Variants in ZNF33B observed in about 807,000 individuals in gnomAD.
ZNF33B encodes the protein zinc finger protein 11b (KOX 2).
A neutral mutation model predicts 45.8 loss-of-function variants in ZNF33B; 29 were observed. The observed-to-expected ratio is 0.63, with a 90% confidence interval of 0.47 to 0.86. The LOEUF is 0.86. ZNF33B is among the 40% of genes least tolerant of loss of function. The pLI, the probability that ZNF33B is intolerant of heterozygous loss-of-function variation, is 0.00. For synonymous variants in ZNF33B, 305 were observed against 307.8 expected, an observed-to-expected ratio of 0.99 and a Z score of 0.10; for missense variants, 831 against 909.9, an observed-to-expected ratio of 0.91 and a Z score of 1.12.
chr10:42,630,635 C>T (rs1564527370), intron 4 of ZNF33B, among the ~76,000 whole-genome samples: 1 of 152,174 alleles, frequency 6.6e-6, no homozygotes, highest in Non-Finnish European at 1.5e-5. Context: ...CATCCCATTC[C>T]CTCCTGCCTT....
chr10:42,635,503 C>T (rs1839251956), intron 2 of ZNF33B, among the ~76,000 whole-genome samples: 1 of 152,034 alleles, frequency 6.6e-6, no homozygotes, highest in South Asian at 2.1e-4. Context: ...AGGGGTTTTT[C>T]CATCTATCTG....
downstream of ZNF33B, among the ~76,000 whole-genome samples, chr10:42,584,395 TGAGCAGCCCCAGGGTGTGGTGGTCAA>T (rs765394911): frequency 6.6e-6 from 1 of 152,072 alleles, no homozygotes; most frequent in Non-Finnish European, 1.5e-5. Flanking sequence ...ATGGTGGCCA[TGAGCAGCCCCAGGGTGTGGTGGTCAA>T]ATTGCCACCT....
intron 4 of ZNF33B, among the ~76,000 whole-genome samples, chr10:42,614,633 C>T (rs1247420876): frequency 6.6e-6 from 1 of 152,104 alleles, no homozygotes. Flanking sequence ...AAAGGAGATA[C>T]ATAAATAGCC....
At chr10:42,584,773 G>C (rs2132018086), downstream of ZNF33B, among the ~76,000 whole-genome samples, 1 of 152,262 alleles carries the variant, frequency 6.6e-6, no homozygotes, top group African/African-American at 2.4e-5. Context: ...CACCCACCTT[G>C]GCCTCCCAAA....
intron 4 of ZNF33B, among the ~76,000 whole-genome samples, chr10:42,621,510 C>G (rs1838589493): frequency 6.6e-6 from 1 of 151,396 alleles, no homozygotes; most frequent in Non-Finnish European, 1.5e-5. Flanking sequence ...CTGGAAATGC[C>G]TGTGTGGTTC....
chr10:42,603,228 G>A (rs1837700159), intron 4 of ZNF33B, among the ~76,000 whole-genome samples: 1 of 152,164 alleles, frequency 6.6e-6, no homozygotes, highest in African/African-American at 2.4e-5. Context: ...GAATAATGGA[G>A]CAGGACTCTC....
At chr10:42,624,124 G>A (rs1165757097) in intron 4 of ZNF33B, among the ~76,000 whole-genome samples, 1 of 152,140 alleles carries the variant, frequency 6.6e-6, no homozygotes, top group Non-Finnish European at 1.5e-5. Context: ...CTACGCACAT[G>A]GAGAGTGAGG....
Position 42,577,911 on chromosome 10 carries a change from C to T in ZNF33B, c.74-3233G>A, listed in dbSNP as rs550946459. 7.9e-5 allele frequency among the ~76,000 whole-genome samples: 12 copies of T among 152,320 alleles called. No homozygotes were observed. The South Asian group carries it at 8.3e-4, about 11-fold the overall frequency. On this transcript the variant is annotated intron_variant, in intron 1 of 1. Coordinates refer to the ZNF33B transcript ENST00000462075. ...GAAAACTAAAGACTGAGACATCAGG[C>T]GGCTGCCCTGAGGGAGAACCTCACT...
Position 42,636,978 on chromosome 10 carries a change from T to G in ZNF33B, c.-44-6A>C, listed in dbSNP as rs1460040938. 3.1e-6 allele frequency: 5 copies of G among 1,613,238 alleles called. No individual in the cohort carries two copies. Among genetic ancestry groups the G allele is most frequent in the Non-Finnish European group, 4.2e-6 (5 of 1,179,770 alleles). On this transcript the variant is annotated splice_polypyrimidine_tract_variant and splice_region_variant and intron_variant, in intron 1 of 4. Coordinates refer to ENST00000359467, the MANE Select transcript of ZNF33B (RefSeq NM_006955.3). ...AGACAACTCTGAAGATACAGCTGAGTTGGAAAAAGAGGAATGGGGTCATGA... is the reference window on the plus strand; with the variant it reads ...AGACAACTCTGAAGATACAGCTGAGGTGGAAAAAGAGGAATGGGGTCATGA...
intron 4 of ZNF33B, among the ~76,000 whole-genome samples, chr10:42,627,814 A>T (rs919146264): frequency 2.0e-5 from 3 of 150,916 alleles, no homozygotes; most frequent in Non-Finnish European, 4.4e-5. Context: ...TTTAATTTCT[A>T]AATTATTATA....
downstream of ZNF33B, among the ~76,000 whole-genome samples, chr10:42,585,701 A>G (rs7073805): frequency 0.15 from 22,861 of 152,202 alleles, 2,511 homozygotes; most frequent in African/African-American, 0.31. Context: ...AAAGCAGGAT[A>G]TTCATCTTCT....
intron 1 of ZNF33B, chr10:42,582,748 A>T (rs1836850768): frequency 5.6e-6 from 1 of 179,796 alleles, no homozygotes; most frequent in Admixed American, 6.1e-5. Context: ...ACCAGATAGG[A>T]CACCTGAGGC....
chr10:42,586,756 C>T (rs1459093869), downstream of ZNF33B, among the ~76,000 whole-genome samples: 1 of 152,214 alleles, frequency 6.6e-6, no homozygotes, highest in East Asian at 1.9e-4. Context: ...CCAACATATT[C>T]CTCATGTGCA....
chr10:42,596,364 A>G (rs1837400305), intron 4 of ZNF33B, among the ~76,000 whole-genome samples: 2 of 152,280 alleles, frequency 1.3e-5, no homozygotes, highest in South Asian at 4.1e-4. Flanking sequence ...TTTTACTTTG[A>G]TAATGAGTCT....
intron 4 of ZNF33B, among the ~76,000 whole-genome samples, chr10:42,595,022 A>G (rs1172030592): frequency 6.6e-6 from 1 of 152,222 alleles, no homozygotes; most frequent in East Asian, 1.9e-4. Context: ...CTCCCCAAGA[A>G]CTATAAAGGT....
downstream of ZNF33B, among the ~76,000 whole-genome samples, chr10:42,584,345 C>A (rs545899500): frequency 2.1e-4 from 32 of 152,254 alleles, no homozygotes; most frequent in Admixed American, 2.0e-3. Context: ...GAGCAAGGAT[C>A]GCAACAACAA....
At position 42,607,169 on chromosome 10, in the gene ZNF33B, T is replaced by C. The variant is rs368144810; in HGVS notation, c.251-12470A>G. ...TAGAGCTATATATAGGTAATGTTTCTGTATTTTACTAGAGTTAAGGTAGTA... is the reference window on the plus strand; with the variant it reads ...TAGAGCTATATATAGGTAATGTTTCCGTATTTTACTAGAGTTAAGGTAGTA... On this transcript the variant is annotated intron_variant, in intron 4 of 4. Coordinates refer to ENST00000359467, the MANE Select transcript of ZNF33B (RefSeq NM_006955.3). Among the ~76,000 whole-genome samples, 83 of 152,292 alleles carry C rather than the reference T, an allele frequency of 5.5e-4. No individual in the cohort carries two copies. The East Asian group carries it at 0.014, about 25-fold the overall frequency.
chr10:42,586,682 A>G (rs1285028054), downstream of ZNF33B, among the ~76,000 whole-genome samples: 1 of 152,266 alleles, frequency 6.6e-6, no homozygotes, highest in African/African-American at 2.4e-5. Context: ...ATAATCTGAC[A>G]AATGTCTTAA....
chr10:42,611,379 A>G (rs1838090414), intron 4 of ZNF33B, among the ~76,000 whole-genome samples: 1 of 152,126 alleles, frequency 6.6e-6, no homozygotes, highest in Non-Finnish European at 1.5e-5. Context: ...CCTTTTCAAG[A>G]AATGATGCTG....
Sources: allele counts gnomAD v4.1 joint callset (sites outside exome capture counted in the v4.1 genomes callset), GRCh38; gene constraint gnomAD v4.1.1; transcripts MANE v1.5; gene names NCBI Gene and HGNC (gene_info 2026-07-23, HGNC 2026-07-21).